Variants in NTRK2 observed in about 807,000 individuals in gnomAD.
NTRK2 encodes the protein neurotrophic receptor tyrosine kinase 2.
In NTRK2, 13 loss-of-function variants were observed where a neutral mutation model predicts 94.5. The observed-to-expected ratio is 0.14, with a 90% CI of 0.09 to 0.22. The LOEUF is 0.22. Among genes scored for constraint, NTRK2 ranks in the 10% least tolerant of loss-of-function variants. NTRK2 has a pLI of 1.00. For missense variants in NTRK2, 639 were observed against 1,071.2 expected (o/e 0.60, Z 5.63); for synonymous variants, 372 against 407.4 (o/e 0.91, Z 1.05).
At chr9:84,944,777 C>G (rs572365865) in intron 15 of NTRK2, among the ~76,000 whole-genome samples, 6 of 152,348 alleles carry the variant, frequency 3.9e-5, no homozygotes, top group African/African-American at 1.4e-4. Flanking sequence ...ATACTTTGAC[C>G]TTCTTGGATT....
intron 9 of NTRK2, among the ~76,000 whole-genome samples, chr9:84,732,460 C>G (rs2062958862): frequency 6.6e-6 from 1 of 152,114 alleles, no homozygotes. Flanking sequence ...TAATGAGCAA[C>G]CAGGAGTGAG....
intron 9 of NTRK2, among the ~76,000 whole-genome samples, chr9:84,729,067 G>A (rs2062658905): frequency 6.6e-6 from 1 of 152,192 alleles, no homozygotes; most frequent in Non-Finnish European, 1.5e-5. Context: ...TTGTAAGGCA[G>A]GGGCTGCTTG....
intron 12 of NTRK2, among the ~76,000 whole-genome samples, chr9:84,764,554 A>G (rs1215316102): frequency 6.6e-6 from 1 of 152,224 alleles, no homozygotes; most frequent in Non-Finnish European, 1.5e-5. Flanking sequence ...AAAAAAAGTT[A>G]CAGTTAATAG....
chr9:84,962,714 T>C (rs1825097882), intron 17 of NTRK2, among the ~76,000 whole-genome samples: 1 of 152,184 alleles, frequency 6.6e-6, no homozygotes, highest in Non-Finnish European at 1.5e-5. Context: ...GGGCCTCCGC[T>C]TTCTCGTGCC....
At chr9:84,934,427 TTAAAC>T in intron 15 of NTRK2, 135 bp downstream of exon 15, 1 of 957,050 alleles carries the variant, frequency 1.0e-6, no homozygotes, top group Non-Finnish European at 1.6e-6. Context: ...TCAAATTCCT[TTAAAC>T]TAAATGGACA....
intron 14 of NTRK2, among the ~76,000 whole-genome samples, chr9:84,891,074 G>T (rs769048334): frequency 1.3e-5 from 2 of 152,106 alleles, no homozygotes; most frequent in Non-Finnish European, 2.9e-5. Flanking sequence ...ACTTCACCGT[G>T]TGCTGTCAGT....
At chr9:84,870,331 G>GTGTGTGTGTGTATATATATATATATA (rs1349303529) in intron 14 of NTRK2, among the ~76,000 whole-genome samples, 3 of 31,182 alleles carry the variant, frequency 9.6e-5, no homozygotes, top group South Asian at 6.1e-3. Context: ...GTGTGTGTGT[G>GTGTGTGTGTGTATATATATATATATA]TATATATATA....
At chr9:84,761,535 T>C (rs1436645993) in intron 12 of NTRK2, among the ~76,000 whole-genome samples, 1 of 152,164 alleles carries the variant, frequency 6.6e-6, no homozygotes, top group Non-Finnish European at 1.5e-5. Context: ...AGCTTTAATA[T>C]CTACCACCTT....
At chr9:84,818,644 A>T (rs905326219) in intron 12 of NTRK2, among the ~76,000 whole-genome samples, 1 of 152,274 alleles carries the variant, frequency 6.6e-6, no homozygotes, top group Non-Finnish European at 1.5e-5. Context: ...TTTGTCCGTT[A>T]TAACTGAAGA....
chr9:84,718,668 C>T (rs1172908447), intron 6 of NTRK2, among the ~76,000 whole-genome samples: 1 of 152,178 alleles, frequency 6.6e-6, no homozygotes, highest in Non-Finnish European at 1.5e-5. Flanking sequence ...GATCCTTTTA[C>T]AGTAGAGCTA....
chr9:84,671,192 G>A (rs2058679690), intron 2 of NTRK2, among the ~76,000 whole-genome samples: 2 of 152,142 alleles, frequency 1.3e-5, no homozygotes, highest in Admixed American at 6.5e-5. Flanking sequence ...TACATATGCC[G>A]ATTATATATT....
At chr9:84,851,719 A>G (rs939915622) in intron 12 of NTRK2, among the ~76,000 whole-genome samples, 1 of 152,154 alleles carries the variant, frequency 6.6e-6, no homozygotes, top group African/African-American at 2.4e-5. Context: ...GAATTCAGGT[A>G]CCACTTAAAA....
chr9:84,675,324 C>CTTTTTTTTTTTTTTTTTTTTTTTTTT (rs536445167), intron 2 of NTRK2, among the ~76,000 whole-genome samples: 7 of 67,324 alleles, frequency 1.0e-4, no homozygotes, highest in East Asian at 5.3e-4. Flanking sequence ...TCTTTCTTTC[C>CTTTTTTTTTTTTTTTTTTTTTTTTTT]TTTTTTTTTT....
At chr9:84,734,102 G>A (rs1257470841) in intron 9 of NTRK2, among the ~76,000 whole-genome samples, 1 of 152,148 alleles carries the variant, frequency 6.6e-6, no homozygotes, top group Non-Finnish European at 1.5e-5. Context: ...TAACACCTTG[G>A]AGTGTGAAGC....
chr9:84,711,822 G>T (rs2061435164), intron 6 of NTRK2, among the ~76,000 whole-genome samples: 1 of 152,150 alleles, frequency 6.6e-6, no homozygotes, highest in Non-Finnish European at 1.5e-5. Flanking sequence ...TTAGAAGACG[G>T]CCCTGACCCT....
intron 12 of NTRK2, among the ~76,000 whole-genome samples, chr9:84,828,063 A>G (rs1002540617): frequency 2.0e-5 from 3 of 152,142 alleles, no homozygotes; most frequent in Admixed American, 6.5e-5. Context: ...TTGACTCCCA[A>G]CCTTAGGTGT....
At chr9:84,876,136 T>A (rs1225699427) in intron 14 of NTRK2, 1 of 1,039,272 alleles carries the variant, frequency 9.6e-7, no homozygotes, top group African/African-American at 1.7e-5. Context: ...TGCATTAAAG[T>A]GGAACCCAAG....
chr9:84,792,217 A>T (rs141238878), intron 12 of NTRK2, among the ~76,000 whole-genome samples: 164 of 152,344 alleles, frequency 1.1e-3, no homozygotes, highest in Middle Eastern at 3.4e-3. Context: ...TAAAGAAGAG[A>T]GACAGTTCAC....
At chr9:85,020,132 T>C (rs1352561291) in intron 17 of NTRK2, 74 bp from the exon 18 acceptor site, 2 of 1,502,616 alleles carry the variant, frequency 1.3e-6, no homozygotes, top group Non-Finnish European at 1.9e-6. Context: ...AAGCAAACAG[T>C]GTCCCCCAGC....
Sources: allele counts gnomAD v4.1 joint callset (sites outside exome capture counted in the v4.1 genomes callset), GRCh38; gene constraint gnomAD v4.1.1; transcripts MANE v1.5; gene names NCBI Gene and HGNC (gene_info 2026-07-23, HGNC 2026-07-21).